Variants in TOM1L1 observed in about 807,000 individuals in gnomAD.
TOM1L1 encodes the protein TOM1-like protein 1.
A neutral mutation model predicts 63.4 loss-of-function variants in TOM1L1; 64 were observed. The observed-to-expected ratio is 1.01, with a 90% CI of 0.83 to 1.24. The LOEUF (loss-of-function observed/expected upper bound fraction) is 1.24. TOM1L1 is among the 50% of genes most tolerant of loss of function. The probability of loss-of-function intolerance (pLI) is 0.00; values close to 1 mark genes in which losing one functional copy is unlikely to be tolerated. For missense variants in TOM1L1, 536 were observed against 567.0 expected (o/e 0.95, Z 0.55); for synonymous variants, 166 against 194.4 (o/e 0.85, Z 1.22).
chr17:54,939,134 G>A (rs117454625), intron 11 of TOM1L1, 114 bp downstream of exon 11: 13,880 of 656,262 alleles, frequency 0.021, 203 homozygotes, highest in Non-Finnish European at 0.025. Context: ...AGCACTTTGG[G>A]AGGCCAAGGC....
In TOM1L1 at chr17:54,947,407, A is replaced by T; in HGVS notation, c.1182+95A>T. On this transcript the variant is annotated intron_variant, in intron 12 of 15. Coordinates refer to ENST00000575882, the MANE Select transcript of TOM1L1 (RefSeq NM_005486.3). ...GGTCATTAATTCCCATGTTCTGCTC[A>T]GTATTGTGTTGATGCGCAGCCCCTG... is the stretch of plus-strand genomic sequence containing the variant. The T allele has an allele frequency of 2.1e-6, 3 of 1,419,542 alleles. No homozygotes were observed. In the Admixed American group the frequency reaches 5.2e-5, roughly 25 times the overall value. 87.9% of individuals were successfully genotyped at this position (1,419,542 alleles called of 1,614,324 possible).
At chr17:54,915,667 A>T (rs970937034) in intron 6 of TOM1L1, 79 bp from the exon 7 acceptor site, 2 of 976,356 alleles carry the variant, frequency 2.0e-6, no homozygotes, top group Non-Finnish European at 2.9e-6. Context: ...TTCATCCAGC[A>T]AATGTCCCAT....
At chr17:54,944,348 G>T (rs2049082798) in intron 11 of TOM1L1, among the ~76,000 whole-genome samples, 1 of 151,736 alleles carries the variant, frequency 6.6e-6, no homozygotes, top group South Asian at 2.1e-4. Context: ...TACTCGGGAG[G>T]CTGAGGCATG....
chr17:54,930,821 A>C (rs1458331648), intron 8 of TOM1L1, among the ~76,000 whole-genome samples: 1 of 152,082 alleles, frequency 6.6e-6, no homozygotes, highest in African/African-American at 2.4e-5. Flanking sequence ...CAGCCTTGGC[A>C]ATAGAGTGAG....
chr17:54,957,738 C>G (rs2076982884), intron 14 of TOM1L1: 1 of 152,130 alleles, frequency 6.6e-6, no homozygotes, highest in Non-Finnish European at 1.5e-5. Flanking sequence ...ACAATTTTTG[C>G]TCTACCAGGA....
intron 8 of TOM1L1, among the ~76,000 whole-genome samples, chr17:54,932,517 G>C (rs1468213162): frequency 6.6e-6 from 1 of 152,024 alleles, no homozygotes; most frequent in Non-Finnish European, 1.5e-5. Context: ...AAGACAATAT[G>C]AGGAGTAGTC....
intron 14 of TOM1L1, chr17:54,953,930 C>T (rs1192678400): frequency 6.6e-6 from 1 of 152,146 alleles, no homozygotes; most frequent in Non-Finnish European, 1.5e-5. Flanking sequence ...TTCTTATTAT[C>T]AATTTAGGAA....
intron 12 of TOM1L1, 100 bp from the exon 13 acceptor site, chr17:54,949,418 A>G: frequency 1.2e-6 from 1 of 844,312 alleles, no homozygotes. Flanking sequence ...GTCCAGTTCA[A>G]AGTTCTTGGA....
intron 7 of TOM1L1, 72 bp from the exon 8 acceptor site, chr17:54,930,001 G>C: frequency 6.3e-7 from 1 of 1,596,580 alleles, no homozygotes; most frequent in Non-Finnish European, 8.6e-7. Flanking sequence ...GGTATGCGCA[G>C]ATTGGTGAGT....
intron 14 of TOM1L1, chr17:54,959,123 G>A (rs553435202): frequency 5.9e-5 from 9 of 152,300 alleles, no homozygotes; most frequent in African/African-American, 2.2e-4. Context: ...ATCGTTTTGA[G>A]GGAGATGAGA....
intron 14 of TOM1L1, among the ~76,000 whole-genome samples, chr17:54,960,033 G>A (rs1278364202): frequency 1.3e-5 from 2 of 151,990 alleles, no homozygotes; most frequent in Non-Finnish European, 2.9e-5. Flanking sequence ...AAATTAATTG[G>A]TTCTATGAAA....
intron 7 of TOM1L1, among the ~76,000 whole-genome samples, chr17:54,920,661 C>A (rs1451448236): frequency 6.6e-6 from 1 of 152,162 alleles, no homozygotes; most frequent in Non-Finnish European, 1.5e-5. Flanking sequence ...TGGGCACTCA[C>A]ATGGTAAGGA....
At position 54,911,333 on chromosome 17, in the gene TOM1L1, A is replaced by C. The variant is rs371851976; in HGVS notation, c.223-1333A>C. ...TTGGCCCGTATAGTAGGTGAACCCCAGTGTTTCAGCCCTTCCTCTTCTCTT... is the reference window on the plus strand; with the variant it reads ...TTGGCCCGTATAGTAGGTGAACCCCCGTGTTTCAGCCCTTCCTCTTCTCTT... On this transcript the variant is annotated intron_variant, in intron 3 of 15. Coordinates refer to ENST00000575882, the MANE Select transcript of TOM1L1 (RefSeq NM_005486.3). Among the ~76,000 whole-genome samples, 39 of 152,222 alleles carry C rather than the reference A, an allele frequency of 2.6e-4. No individual in the cohort carries two copies. In the East Asian group the frequency reaches 5.0e-3, roughly 20 times the overall value.
intron 4 of TOM1L1, among the ~76,000 whole-genome samples, 159 bp downstream of exon 4, chr17:54,912,974 T>G (rs1180424039): frequency 6.6e-6 from 1 of 152,244 alleles, no homozygotes; most frequent in African/African-American, 2.4e-5. Flanking sequence ...TTTTTGGCAT[T>G]GGATGGTGCC....
intron 8 of TOM1L1, 63 bp from the exon 9 acceptor site, chr17:54,936,586 T>G: frequency 7.3e-7 from 1 of 1,366,200 alleles, no homozygotes. Context: ...TAATAATTGT[T>G]AGATTTTTAT....
At chr17:54,940,667 G>A (rs548539144) in intron 11 of TOM1L1, among the ~76,000 whole-genome samples, 10 of 152,198 alleles carry the variant, frequency 6.6e-5, no homozygotes, top group African/African-American at 2.4e-4. Context: ...TATATTTATT[G>A]CTAAGTAGGA....
chr17:54,949,944 T>C (rs1321018133), intron 13 of TOM1L1, 101 bp from the exon 14 acceptor site: 4 of 941,260 alleles, frequency 4.2e-6, no homozygotes, highest in Non-Finnish European at 6.5e-6. Flanking sequence ...GTTGTGTTTA[T>C]TAGGATCTAA....
intron 14 of TOM1L1, 73 bp from the exon 15 acceptor site, chr17:54,960,493 G>C: frequency 9.2e-7 from 1 of 1,085,562 alleles, no homozygotes; most frequent in East Asian, 2.4e-5. Flanking sequence ...TAATTACAGT[G>C]CTGGCAGTTA....
chr17:54,915,699 T>C (rs2048575653), intron 6 of TOM1L1, 47 bp from the exon 7 acceptor site: 2 of 1,324,566 alleles, frequency 1.5e-6, no homozygotes, highest in Non-Finnish European at 2.0e-6. Context: ...ACAAGGTAGT[T>C]ATTCTTTGTG....
Sources: gnomAD v4.1 joint callset for allele counts (sites outside exome capture counted in the v4.1 genomes callset) on GRCh38, gnomAD v4.1.1 for gene constraint, MANE v1.5 for transcripts, NCBI Gene and HGNC (gene_info 2026-07-23, HGNC 2026-07-21) for gene names.